The following ZC3H4 variants were observed in gnomAD, a reference collection of about 807,000 sequenced individuals.
ZC3H4 encodes the protein zinc finger CCCH-type containing 4.
A neutral mutation model predicts 108.3 loss-of-function variants in ZC3H4; 13 were observed. The observed-to-expected ratio is 0.12, with a 90% CI of 0.08 to 0.19. The LOEUF is 0.19. Ranked by LOEUF, ZC3H4 falls within the 10% of genes least tolerant of loss-of-function variation. The pLI, the probability that ZC3H4 is intolerant of heterozygous loss-of-function variation, is 1.00. For missense variants in ZC3H4, 1,734 were observed against 1,838.8 expected (o/e 0.94, Z 1.04); for synonymous variants, 917 against 749.6 (o/e 1.22, Z -3.65).
chr19:47,066,830 G>A lies in ZC3H4; in HGVS notation c.3438C>T (p.Ile1146=), dbSNP rs1232494808. The stretch of plus-strand genomic sequence containing the variant: ...TGGGAGTCCTCGGGTCGTAGAGGCT[G>A]ATACCGCTCAGCACACTGCTCTGCC... ...GGGQSSVLSG[I]SLYDPRTPNA... is the part of the protein sequence containing the mutation. The change falls in exon 15 of 15, where the codon ATC becomes ATT. Residue 1146 remains isoleucine, a synonymous_variant. Coordinates refer to ENST00000253048, the MANE Select transcript of ZC3H4 (RefSeq NM_015168.2). 1 of 1,599,916 alleles carries A rather than the reference G, an allele frequency of 6.3e-7. No homozygotes were observed. Among genetic ancestry groups the A allele is most frequent in the Non-Finnish European group, 8.5e-7 (1 of 1,179,348 alleles).
intron 2 of ZC3H4, among the ~76,000 whole-genome samples, chr19:47,106,078 T>C (rs1221200164): frequency 1.3e-5 from 2 of 152,232 alleles, no homozygotes; most frequent in Non-Finnish European, 2.9e-5. Context: ...AATGAGCTAA[T>C]GCATGAGAAG....
At chr19:47,111,424 A>C (rs1299874487) in intron 2 of ZC3H4, among the ~76,000 whole-genome samples, 1 of 152,168 alleles carries the variant, frequency 6.6e-6, no homozygotes, top group Non-Finnish European at 1.5e-5. Flanking sequence ...AGCACAAGGA[A>C]ATCTCCTTTT....
At position 47,067,325 on chromosome 19, in the gene ZC3H4, G is replaced by A. The variant is rs201502446; in HGVS notation, c.2943C>T (p.Pro981=). The A allele has an allele frequency of 2.3e-5, 37 of 1,598,126 alleles. No individual in the cohort carries two copies. Among genetic ancestry groups the A allele is most frequent in the African/African-American group, 1.3e-4 (10 of 74,728 alleles). ...PSFARTVLWN[P]EDLIPLPIPK... is the part of the protein sequence containing the mutation. ...GGATGGGTAGGGGGATCAGGTCCTC[G>A]GGATTCCAGAGCACGGTGCGGGCGA... Residue 981 remains proline, a synonymous_variant, in exon 15 of 15, where the codon CCC becomes CCT. Transcript: ENST00000253048. This position sits in a 1 kb window ranked among gnomAD's most constrained non-coding sequence, Gnocchi z 6.4.
intron 5 of ZC3H4, among the ~76,000 whole-genome samples, chr19:47,088,505 G>A (rs1218407496): frequency 2.0e-5 from 3 of 151,658 alleles, no homozygotes; most frequent in Admixed American, 1.3e-4. Flanking sequence ...CCGAGATCGC[G>A]CCATTGCACT....
At chr19:47,074,266 G>A (rs2057379586) in intron 11 of ZC3H4, among the ~76,000 whole-genome samples, 1 of 152,132 alleles carries the variant, frequency 6.6e-6, no homozygotes, top group Admixed American at 6.5e-5. Flanking sequence ...GGAGTTCTCT[G>A]CCAACACTGC....
intron 4 of ZC3H4, among the ~76,000 whole-genome samples, chr19:47,092,900 C>T (rs1000576374): frequency 2.0e-5 from 3 of 151,810 alleles, no homozygotes; most frequent in East Asian, 2.0e-4. Flanking sequence ...CACGTGCCAA[C>T]GAATACTGGG....
chr19:47,084,945 G>C lies in ZC3H4; in HGVS notation c.1107+111C>G, dbSNP rs7248181. Reference sequence around the variant, plus strand: ...CTGGTCAACACTGGCCAGCCCTTTGGGGGGTGGCTGATGGCAGCAAGGATC... The same window carrying C: ...CTGGTCAACACTGGCCAGCCCTTTGCGGGGTGGCTGATGGCAGCAAGGATC... On this transcript the variant is annotated intron_variant, in intron 8 of 14. Coordinates refer to ENST00000253048, the MANE Select transcript of ZC3H4 (RefSeq NM_015168.2). The C allele has an allele frequency of 5.2e-5, 75 of 1,446,532 alleles. 2 individuals carry two copies. In the South Asian group the frequency reaches 6.4e-4, roughly 12 times the overall value. The allele number at this position is 1,446,532 out of a possible 1,614,324, so 89.6% of individuals were successfully genotyped here. A position where few individuals can be genotyped will look rare whatever the true frequency, so the allele number is the denominator to read the frequency against.
chr19:47,112,193 G>T (rs1253545692), intron 2 of ZC3H4: 17 of 1,210,224 alleles, frequency 1.4e-5, no homozygotes, highest in Non-Finnish European at 1.4e-5. Context: ...GAGAGCGAGG[G>T]AGAGCGGGCG....
intron 11 of ZC3H4, among the ~76,000 whole-genome samples, chr19:47,074,286 G>T (rs967250118): frequency 2.0e-5 from 3 of 152,168 alleles, no homozygotes; most frequent in African/African-American, 4.8e-5. Context: ...CCTATGCCTT[G>T]TCGGATTATT....
chr19:47,085,130 G>A lies in ZC3H4; in HGVS notation c.1033C>T (p.Arg345Ter). Residue 345 changes from arginine to a stop codon, truncating the protein, a stop_gained, in exon 8 of 15, where the codon CGA (arginine) becomes TGA (stop). Coordinates refer to ENST00000253048, the MANE Select transcript of ZC3H4 (RefSeq NM_015168.2). LOFTEE classifies it high-confidence loss of function. ...RGKGMGRGRG[R>*]GGSRGGMNKG... is the part of the protein sequence containing the mutation. ...TTCATCCCTCCTCGGCTGCCACCTCGGCCTCGGCCCCGACCCATTCCTTTC... is the reference window on the plus strand; with the variant it reads ...TTCATCCCTCCTCGGCTGCCACCTCAGCCTCGGCCCCGACCCATTCCTTTC... The A allele has an allele frequency of 6.2e-7, 1 of 1,614,088 alleles. No homozygotes were observed. Among genetic ancestry groups the A allele is most frequent in the Admixed American group, 1.7e-5 (1 of 60,016 alleles).
chr19:47,085,609 T>C (rs1011497084), intron 6 of ZC3H4, among the ~76,000 whole-genome samples, 195 bp from the exon 7 acceptor site: 5 of 152,046 alleles, frequency 3.3e-5, no homozygotes, highest in South Asian at 2.1e-4. Context: ...CCTGACCCAA[T>C]AGGCAAACCC....
At chr19:47,089,578 C>T (rs956955200) in intron 5 of ZC3H4, among the ~76,000 whole-genome samples, 1 of 152,192 alleles carries the variant, frequency 6.6e-6, no homozygotes, top group Non-Finnish European at 1.5e-5. Flanking sequence ...AGAGGTGTGG[C>T]AGTGGCAAGG....
chr19:47,105,606 C>T (rs986224685), intron 2 of ZC3H4, among the ~76,000 whole-genome samples: 2 of 152,136 alleles, frequency 1.3e-5, no homozygotes, highest in African/African-American at 2.4e-5. Flanking sequence ...CTCAAAACAA[C>T]ACAAACCAAC....
At chr19:47,102,274 A>T (rs967114239) in intron 2 of ZC3H4, among the ~76,000 whole-genome samples, 2 of 152,028 alleles carry the variant, frequency 1.3e-5, no homozygotes, top group Non-Finnish European at 2.9e-5. Context: ...TTTTGGATGC[A>T]AAGACCAGCT....
At chr19:47,099,526 T>A (rs1390040388) in intron 2 of ZC3H4, among the ~76,000 whole-genome samples, 1 of 151,106 alleles carries the variant, frequency 6.6e-6, no homozygotes, top group Non-Finnish European at 1.5e-5. Flanking sequence ...TGACTGCTGG[T>A]CAACAAGTTC....
rs1425658564 is a variant in ZC3H4 at position 47,110,265 on chromosome 19, C to A, written c.161+2159G>T. On this transcript the variant is annotated intron_variant, in intron 2 of 14. Transcript: ENST00000253048. The stretch of plus-strand genomic sequence containing the variant: ...TGAATACCTGCATCATAAATCAAAT[C>A]CAGTAAGCTTGTCTCCTACAAATGG... 2.0e-5 allele frequency among the ~76,000 whole-genome samples: 3 copies of A among 152,044 alleles called. No individual in the cohort carries two copies. The East Asian group carries it at 5.8e-4, about 29-fold the overall frequency.
intron 5 of ZC3H4, among the ~76,000 whole-genome samples, chr19:47,087,257 CAG>C: frequency 6.7e-6 from 1 of 149,940 alleles, no homozygotes; most frequent in Admixed American, 6.7e-5. Context: ...GCTTGGGCAA[CAG>C]AGTGAGACCC....
In ZC3H4 at chr19:47,112,235, C is replaced by G. The variant is rs2058049303; in HGVS notation, c.161+189G>C. 6.0e-6 allele frequency: 7 copies of G among 1,170,218 alleles called. No individual in the cohort carries two copies. The South Asian group carries it at 2.2e-4, about 36-fold the overall frequency. The allele number at this position is 1,170,218 out of a possible 1,614,324, so 72.5% of individuals were successfully genotyped here. On this transcript the variant is annotated intron_variant, in intron 2 of 14. Coordinates refer to ENST00000253048, the MANE Select transcript of ZC3H4 (RefSeq NM_015168.2). ...GCGAGGGGGGGGAAACGCATGAGGC[C>G]GGGAGAGAAAGCAAGCGAGAAAGAG...
Position 47,090,050 on chromosome 19 carries a change from T to C in ZC3H4, c.632A>G (p.Asp211Gly). The C allele has an allele frequency of 6.2e-7, 1 of 1,614,178 alleles. No homozygotes were observed. Among genetic ancestry groups the C allele is most frequent in the Non-Finnish European group, 8.5e-7 (1 of 1,180,024 alleles). The part of the protein sequence containing the change: ...YGEYEGDEEE[D>G]MGKEDYDDFT... The stretch of plus-strand genomic sequence containing the variant: ...GTCGTCATAGTCCTCCTTGCCCATG[T>C]CCTCCTCCTCGTCGCCCTCATATTC... Residue 211 changes from aspartate to glycine, a missense_variant, in exon 5 of 15, where the codon GAC (aspartate) becomes GGC (glycine). Around this residue, in one of 9 missense-constraint regions of ZC3H4, gnomAD observed 403 missense variants for 457.0 expected, o/e 0.88. Coordinates refer to ENST00000253048, the MANE Select transcript of ZC3H4 (RefSeq NM_015168.2).
Sources: gnomAD v4.1 joint callset for allele counts (sites outside exome capture counted in the v4.1 genomes callset) on GRCh38, gnomAD v4.1.1 for gene constraint, gnomAD v4.1.1 regional missense constraint, Gnocchi (gnomAD v3.1) non-coding constraint, MANE v1.5 for transcripts, NCBI Gene and HGNC (gene_info 2026-07-23, HGNC 2026-07-21) for gene names.